Variants in GAL3ST4 observed in about 807,000 individuals in gnomAD.
The protein encoded by GAL3ST4 is galactose-3-O-sulfotransferase 4.
Under a neutral mutation model 31.6 loss-of-function variants are expected in GAL3ST4, and 30 were observed. That is an observed-to-expected ratio of 0.95 (90% CI 0.71 to 1.29). GAL3ST4 has a LOEUF of 1.29. Ranked by LOEUF, GAL3ST4 falls within the 50% of genes most tolerant of loss-of-function variation. The pLI, the probability that GAL3ST4 is intolerant of heterozygous loss-of-function variation, is 0.00. For missense variants in GAL3ST4, 629 were observed against 625.2 expected, an observed-to-expected ratio of 1.01 and a Z score of -0.06; for synonymous variants, 248 against 256.9, an observed-to-expected ratio of 0.97 and a Z score of 0.33.
At chr7:100,162,544 CAAAA>C (rs535834382) in intron 3 of GAL3ST4, among the ~76,000 whole-genome samples, 30 of 71,620 alleles carry the variant, frequency 4.2e-4, no homozygotes, top group African/African-American at 1.5e-3. Flanking sequence ...GACTCTGTCT[CAAAA>C]AAAAAAAAAA....
chr7:100,167,334 G>C (rs1799091258), intron 1 of GAL3ST4, 51 bp from the exon 2 acceptor site: 1 of 964,268 alleles, frequency 1.0e-6, no homozygotes, highest in Non-Finnish European at 1.5e-6. Context: ...GAGAGGCAGA[G>C]GCAGCCTTCT....
In GAL3ST4 at chr7:100,160,477, A is replaced by T; in HGVS notation, c.912T>A (p.Ala304=). The change falls in exon 4 of 4, where the codon GCT becomes GCA. Residue 304 remains alanine (A), a synonymous_variant. Transcript: ENST00000360039. ...GAACCAATGACTCATCGAAGTACTCAGCCACCATGACCAGGTCAAAGACAG... is the reference window on the plus strand; with the variant it reads ...GAACCAATGACTCATCGAAGTACTCTGCCACCATGACCAGGTCAAAGACAG... ...LDSVFDLVMV[A]EYFDESLVLL... is the part of the protein sequence containing the mutation. 6.2e-7 allele frequency: 1 copy of T among 1,614,092 alleles called. No homozygotes were observed. The highest frequency in any genetic ancestry group is 8.5e-7 in the Non-Finnish European group (1 of 1,180,014).
In GAL3ST4 at chr7:100,166,547, G is replaced by T. The variant is rs1442373622; in HGVS notation, c.384C>A (p.Leu128=). The change falls in exon 3 of 4, where the codon CTC becomes CTA. Residue 128 remains leucine, a synonymous_variant. Coordinates refer to ENST00000360039, the MANE Select transcript of GAL3ST4 (RefSeq NM_024637.5). ...TGTGGTGACAGAGGATGTGGAAGGG[G>T]AGCTGGGTGCCTCCACCCTGTGGGC... ...GYRPQGGGTQ[L]PFHILCHHMR... 6.2e-7 allele frequency: 1 copy of T among 1,614,008 alleles called. No homozygotes were observed. The highest frequency in any genetic ancestry group is 8.5e-7 in the Non-Finnish European group (1 of 1,180,012).
Position 100,160,800 on chromosome 7 carries a change from T to A in GAL3ST4, c.589A>T (p.Arg197Trp). 1 of 1,614,158 alleles carries A rather than the reference T, an allele frequency of 6.2e-7. No homozygotes were observed. Reference sequence around the variant, plus strand: ...TAGTGGTCCCCACGGGCCCCAGGCCTGTAGAAGCCTCGAGGATTGGCCAGG... The same window carrying A: ...TAGTGGTCCCCACGGGCCCCAGGCCAGTAGAAGCCTCGAGGATTGGCCAGG... ...AFLANPRGFY[R>W]PGARGDHYAR... Residue 197 changes from arginine to tryptophan, a missense_variant, in exon 4 of 4, where the codon AGG becomes TGG. Physicochemically the swap from Arg to Trp is moderately radical, Grantham distance 101. Transcript: ENST00000360039.
At chr7:100,163,452 C>T (rs1479499644) in intron 3 of GAL3ST4, among the ~76,000 whole-genome samples, 1 of 150,852 alleles carries the variant, frequency 6.6e-6, no homozygotes, top group Non-Finnish European at 1.5e-5. Context: ...TATGGCACAC[C>T]TGAATAGCAG....
rs1798979204 is a variant in GAL3ST4 at position 100,160,400 on chromosome 7, T to C, written c.989A>G (p.His330Arg). Residue 330 changes from histidine to arginine, a missense_variant, in exon 4 of 4, where the codon CAC (histidine) becomes CGC (arginine). By Grantham distance (29) the His-to-Arg change is conservative. Coordinates refer to ENST00000360039, the MANE Select transcript of GAL3ST4 (RefSeq NM_024637.5). Reference sequence around the variant, plus strand: ...CTGCTTATGTCCAGCCTGGGCATTGTGCATGAAGCCCACCACGTCATCTAG... The same window carrying C: ...CTGCTTATGTCCAGCCTGGGCATTGCGCATGAAGCCCACCACGTCATCTAG... Reference protein sequence around the residue: ...WGLDDVVGFMHNAQAGHKQGL... With the variant: ...WGLDDVVGFMRNAQAGHKQGL... The C allele has an allele frequency of 3.1e-6, 5 of 1,614,052 alleles. No homozygotes were observed. In the East Asian group the frequency reaches 1.1e-4, roughly 36 times the overall value.
chr7:100,166,789 G>A lies in GAL3ST4; in HGVS notation c.142C>T (p.Leu48Phe), dbSNP rs529303242. 7.5e-6 allele frequency: 12 copies of A among 1,607,610 alleles called. No homozygotes were observed. The African/African-American group carries it at 1.5e-4, about 20-fold the overall frequency. ...PFQRRLPGLQ[L>F]RQPSAPSLRP... ...AGGGATGGGGCCGAGGGCTGTCGGA[G>A]CTGTAGCCCAGGTAGCCTGGGAAGA... Residue 48 changes from leucine to phenylalanine, a missense_variant, in exon 3 of 4, where the codon CTC (leucine) becomes TTC (phenylalanine). Physicochemically the swap from Leu to Phe is conservative, Grantham distance 22. Transcript: ENST00000360039.
intron 3 of GAL3ST4, among the ~76,000 whole-genome samples, chr7:100,163,759 T>A (rs1482274845): frequency 6.6e-6 from 1 of 152,068 alleles, no homozygotes; most frequent in Admixed American, 6.6e-5. Flanking sequence ...GGCGTTGAAC[T>A]CCTGGGCTCA....
At chr7:100,167,889 G>A (rs1339571749) in intron 1 of GAL3ST4, 1 of 152,178 alleles carries the variant, frequency 6.6e-6, no homozygotes, top group Admixed American at 6.6e-5. Flanking sequence ...GAGACGTGTG[G>A]CTACTTATAA....
rs1360547775 is a variant in GAL3ST4, at chr7:100,168,021, C to CAA, written c.-189+524_-189+525insTT. On this transcript the variant is annotated intron_variant, in intron 1 of 3. Coordinates refer to ENST00000360039, the MANE Select transcript of GAL3ST4 (RefSeq NM_024637.5). This position sits in a 1 kb window ranked among gnomAD's most constrained non-coding sequence, Gnocchi z 4.1. Reference sequence around the variant, plus strand: ...AGAGAGAGAGACACACACACACACACACACACACACAGAGAAACAGAGAGA... The same window carrying CAA: ...AGAGAGAGAGACACACACACACACACAAACACACACACAGAGAAACAGAGAGA... The CAA allele has an allele frequency of 6.7e-6, 1 of 148,658 alleles. No homozygotes were observed. Among genetic ancestry groups the CAA allele is most frequent in the Non-Finnish European group, 1.5e-5 (1 of 66,486 alleles). The allele number at this position is 148,658 out of a possible 1,614,324, so 9.2% of individuals were successfully genotyped here.
At position 100,167,054 on chromosome 7, in the gene GAL3ST4, TC is replaced by T; in HGVS notation, c.41del (p.Gly14AspfsTer13). 6.4e-6 allele frequency: 10 copies of T among 1,560,142 alleles called. No individual in the cohort carries two copies. The highest frequency in any genetic ancestry group is 8.7e-6 in the Non-Finnish European group (10 of 1,151,524). On this transcript the variant is annotated frameshift_variant, in exon 2 of 4. Coordinates refer to ENST00000360039, the MANE Select transcript of GAL3ST4 (RefSeq NM_024637.5). LOFTEE classifies it high-confidence loss of function. ...CCAGAGCCACCCCCAGGCTCCGAGG[TC>T]CCCAGAGCCGCAGCGTCCTGGCAGG... ...LSPARTLRLW[G>X]PRSLGVALGV... is the part of the protein sequence containing the mutation.
At position 100,160,374 on chromosome 7, in the gene GAL3ST4, C is replaced by T; in HGVS notation, c.1015G>A (p.Gly339Ser). 1 of 1,614,052 alleles carries T rather than the reference C, an allele frequency of 6.2e-7. No individual in the cohort carries two copies. The highest frequency in any genetic ancestry group is 8.5e-7 in the Non-Finnish European group (1 of 1,180,020). ...MHNAQAGHKQ[G>S]LSTVSNSGLT... is the part of the protein sequence containing the mutation. Reference sequence around the variant, plus strand: ...CCACTGTTGCTGACAGTGCTGAGGCCCTGCTTATGTCCAGCCTGGGCATTG... The same window carrying T: ...CCACTGTTGCTGACAGTGCTGAGGCTCTGCTTATGTCCAGCCTGGGCATTG... Residue 339 changes from glycine to serine, a missense_variant, in exon 4 of 4, where the codon GGC becomes AGC. By Grantham distance (56) the Gly-to-Ser change is moderately conservative (BLOSUM62 0). Coordinates refer to ENST00000360039, the MANE Select transcript of GAL3ST4 (RefSeq NM_024637.5).
rs764809227 is a variant in GAL3ST4, at chr7:100,166,849, A to T, written c.126-44T>A. ...GGAGTGTCCTGTTCCTCAGCAGCAA[A>T]TGGGTAGAAGGGACAGAGGGCATGG... is the stretch of plus-strand genomic sequence containing the variant. On this transcript the variant is annotated intron_variant, in intron 2 of 3. Coordinates refer to ENST00000360039, the MANE Select transcript of GAL3ST4 (RefSeq NM_024637.5). The T allele has an allele frequency of 5.1e-6, 8 of 1,558,872 alleles. No individual in the cohort carries two copies. The South Asian group carries it at 9.5e-5, about 18-fold the overall frequency.
chr7:100,164,673 A>C (rs923265293), intron 3 of GAL3ST4, among the ~76,000 whole-genome samples: 5 of 151,980 alleles, frequency 3.3e-5, no homozygotes, highest in African/African-American at 9.7e-5. Context: ...TAAATAAAAT[A>C]AAAATCAAAA....
chr7:100,161,230 G>T (rs1291940943), intron 3 of GAL3ST4, among the ~76,000 whole-genome samples: 1 of 152,196 alleles, frequency 6.6e-6, no homozygotes, highest in Non-Finnish European at 1.5e-5. Flanking sequence ...GGAGCATGGA[G>T]CCAGGCATGT....
rs1445807441 is a variant in GAL3ST4 at position 100,166,504 on chromosome 7, C to G, written c.427G>C (p.Glu143Gln). ...LCHHMRFNLK[E>Q]VLQVMPSDSF... ...CCCACCACTGCGACACTCCTTACCTCTTTCAGGTTGAACCTCATGTGGTGA... is the reference window on the plus strand; with the variant it reads ...CCCACCACTGCGACACTCCTTACCTGTTTCAGGTTGAACCTCATGTGGTGA... Residue 143 changes from glutamate to glutamine, a missense_variant and splice_region_variant, in exon 3 of 4, where the codon GAG becomes CAG. Transcript: ENST00000360039. The G allele has an allele frequency of 6.2e-7, 1 of 1,611,398 alleles. No individual in the cohort carries two copies. The highest frequency in any genetic ancestry group is 1.3e-5 in the African/African-American group (1 of 74,870).
Position 100,160,850 on chromosome 7 carries a change from C to G in GAL3ST4, c.539G>C (p.Arg180Pro). 3 of 1,614,082 alleles carry G rather than the reference C, an allele frequency of 1.9e-6. No homozygotes were observed. Among genetic ancestry groups the G allele is most frequent in the Non-Finnish European group, 2.5e-6 (3 of 1,180,026 alleles). Residue 180 changes from arginine (R) to proline (P), a missense_variant, in exon 4 of 4, where the codon CGC becomes CCC. By Grantham distance (103) the Arg-to-Pro change is moderately radical. Transcript: ENST00000360039. ...GAAGGCAGCCAAAGATGGTGACTTG[C>G]GGAAGGCTGATGAGGTGGATTTATA... The part of the protein sequence containing the change: ...SYYKSTSSAF[R>P]KSPSLAAFLA...
intron 3 of GAL3ST4, among the ~76,000 whole-genome samples, chr7:100,164,533 C>T (rs1273590053): frequency 1.3e-5 from 2 of 151,982 alleles, no homozygotes; most frequent in African/African-American, 2.4e-5. Flanking sequence ...GGCGTGGTGG[C>T]GGGTGCCTGT....
rs1015266181 is a variant in GAL3ST4, at chr7:100,160,582, A to C, written c.807T>G (p.His269Gln). The C allele has an allele frequency of 5.6e-6, 9 of 1,613,692 alleles. No individual in the cohort carries two copies. The highest frequency in any genetic ancestry group is 1.3e-5 in the African/African-American group (1 of 74,944). Residue 269 changes from histidine (H) to glutamine (Q), a missense_variant, in exon 4 of 4, where the codon CAT becomes CAG. By Grantham distance (24) the His-to-Gln change is conservative. Transcript: ENST00000360039. ...AGGCAGGGCTTGATATCTGGCTGCG[A>C]TGATCAGTAACAGTGGAAACAGGAT... ...LIHPVSTVTD[H>Q]RSQISSPASF... is the part of the protein sequence containing the mutation.
Sources: gnomAD v4.1 joint callset for allele counts (sites outside exome capture counted in the v4.1 genomes callset) on GRCh38, gnomAD v4.1.1 for gene constraint, Gnocchi (gnomAD v3.1) non-coding constraint, MANE v1.5 for transcripts, NCBI Gene and HGNC (gene_info 2026-07-23, HGNC 2026-07-21) for gene names.